Variants in VPS53 observed in about 807,000 individuals in gnomAD.
VPS53 encodes the protein VPS53 subunit of GARP complex.
A neutral mutation model predicts 107.0 loss-of-function variants in VPS53; 70 were observed. The ratio of observed to expected loss-of-function variants is 0.65; its 90% CI spans 0.54 to 0.80. The LOEUF (loss-of-function observed/expected upper bound fraction) is 0.80. Ranked by LOEUF, VPS53 falls within the 30% of genes least tolerant of loss-of-function variation. The pLI, the probability that VPS53 is intolerant of heterozygous loss-of-function variation, is 0.00. For missense variants in VPS53, 917 were observed against 1,049.4 expected (o/e 0.87, Z 1.74); for synonymous variants, 409 against 393.3 (o/e 1.04, Z -0.47).
At position 513,735 on chromosome 17, in the gene VPS53, G is replaced by A. The variant is rs543006219; in HGVS notation, c.*5393C>T. ...AGGGAAGGAATCTCATTTCCAGCAG[G>A]TTATTCCGAGTGCTCTTCCTAGGGA... On this transcript the variant is annotated 3_prime_UTR_variant, in exon 22 of 22. Transcript: ENST00000437048. 3.6e-5 allele frequency: 5 copies of A among 138,084 alleles called. No individual in the cohort carries two copies. The highest frequency in any genetic ancestry group is 1.3e-4 in the African/African-American group (5 of 37,682). 8.6% of individuals were successfully genotyped at this position (138,084 alleles called of 1,614,324 possible).
chr17:590,363 C>T (rs1967574637), intron 12 of VPS53, among the ~76,000 whole-genome samples: 2 of 152,082 alleles, frequency 1.3e-5, no homozygotes, highest in South Asian at 4.1e-4. Flanking sequence ...ACTGAATACC[C>T]TTTATTTCCT....
chr17:619,541 T>C (rs1243638394), intron 11 of VPS53, among the ~76,000 whole-genome samples: 6 of 142,558 alleles, frequency 4.2e-5, no homozygotes, highest in African/African-American at 8.0e-5. Flanking sequence ...CCGCTAATAT[T>C]TCCCGGGTAG....
At chr17:671,334 GGAAAGAAAGAGGAAA>G (rs1971937510) in intron 4 of VPS53, among the ~76,000 whole-genome samples, 1 of 150,174 alleles carries the variant, frequency 6.7e-6, no homozygotes, top group African/African-American at 2.4e-5. Flanking sequence ...AAGAGAGACA[GGAAAGAAAGAGGAAA>G]GAAAGAAAGA....
rs1971045201 is a variant in VPS53 at position 653,487 on chromosome 17, A to G, written c.489-77T>C. 4 of 1,598,070 alleles carry G rather than the reference A, an allele frequency of 2.5e-6. No individual in the cohort carries two copies. In the Admixed American group the frequency reaches 6.8e-5, roughly 27 times the overall value. On this transcript the variant is annotated intron_variant, in intron 6 of 21. Transcript: ENST00000437048. ...ATACAGACACAGAACAACCCACGCTAGCTCTCAAACAGATATCAACTCAGC... is the reference window on the plus strand; with the variant it reads ...ATACAGACACAGAACAACCCACGCTGGCTCTCAAACAGATATCAACTCAGC...
intron 12 of VPS53, among the ~76,000 whole-genome samples, chr17:590,495 TATG>T (rs1967584772): frequency 6.6e-6 from 1 of 151,984 alleles, no homozygotes; most frequent in Non-Finnish European, 1.5e-5. Context: ...GCCCATTCAG[TATG>T]ATATTGGCTG....
At chr17:703,530 C>CA (rs1239850319) in intron 2 of VPS53, among the ~76,000 whole-genome samples, 12 of 152,206 alleles carry the variant, frequency 7.9e-5, no homozygotes, top group Non-Finnish European at 1.8e-4. Flanking sequence ...TGGGAATCCA[C>CA]ATTGGCTGGG....
chr17:562,101 C>T (rs1278089823), intron 14 of VPS53, among the ~76,000 whole-genome samples: 1 of 152,188 alleles, frequency 6.6e-6, no homozygotes, highest in Non-Finnish European at 1.5e-5. Context: ...TTCATTCCTC[C>T]AACCCATCAC....
intron 12 of VPS53, among the ~76,000 whole-genome samples, chr17:594,028 A>G (rs1967819550): frequency 6.6e-6 from 1 of 152,220 alleles, no homozygotes; most frequent in Non-Finnish European, 1.5e-5. Flanking sequence ...ATGAAATTGG[A>G]AATCATCATT....
chr17:533,047 T>C lies in VPS53; in HGVS notation c.2016-136A>G. On this transcript the variant is annotated intron_variant, in intron 18 of 21. Coordinates refer to ENST00000437048, the MANE Select transcript of VPS53 (RefSeq NM_001128159.3). ...TCGAAGTGGACTCCACTGTTGCCCA[T>C]TATCTTATTTTTCTTCTGAGTGAAG... The C allele has an allele frequency of 2.9e-6, 4 of 1,402,628 alleles. No homozygotes were observed. In the Admixed American group the frequency reaches 1.1e-4, roughly 37 times the overall value. The allele number at this position is 1,402,628 out of a possible 1,614,324, so 86.9% of individuals were successfully genotyped here. A position where few individuals can be genotyped will look rare whatever the true frequency, so the allele number is the denominator to read the frequency against.
At position 537,128 on chromosome 17, in the gene VPS53, T is replaced by C. The variant is rs751330560; in HGVS notation, c.1915A>G (p.Thr639Ala). The C allele has an allele frequency of 6.2e-7, 1 of 1,613,848 alleles. No homozygotes were observed. The highest frequency in any genetic ancestry group is 1.3e-5 in the African/African-American group (1 of 74,922). ...TGCTTGATGTGCAGAATGACAGAGG[T>C]GACGTAGGGGCTCTGGTCACCAACG... The part of the protein sequence containing the change: ...EHVGDQSPYV[T>A]SVILHIKQNV... The change falls in exon 18 of 22, where the codon ACC becomes GCC. Residue 639 changes from threonine (T) to alanine (A), a missense_variant. Coordinates refer to ENST00000437048, the MANE Select transcript of VPS53 (RefSeq NM_001128159.3).
At chr17:681,980 A>C (rs1972409845) in intron 4 of VPS53, among the ~76,000 whole-genome samples, 1 of 151,926 alleles carries the variant, frequency 6.6e-6, no homozygotes, top group East Asian at 1.9e-4. Flanking sequence ...ATCGTGGGAG[A>C]TACCAACATT....
Position 688,550 on chromosome 17 carries a change from C to T in VPS53, c.285+8868G>A, listed in dbSNP as rs1416711651. Among the ~76,000 whole-genome samples, 3 of 152,206 alleles carry T rather than the reference C, an allele frequency of 2.0e-5. No individual in the cohort carries two copies. The East Asian group carries it at 5.8e-4, about 29-fold the overall frequency. Reference sequence around the variant, plus strand: ...AGTGAGGCCAAACCCAGTTGCACTACATTGTTAAACAGTTAACGGACATTT... The same window carrying T: ...AGTGAGGCCAAACCCAGTTGCACTATATTGTTAAACAGTTAACGGACATTT... On this transcript the variant is annotated intron_variant, in intron 4 of 21. Transcript: ENST00000437048.
intron 7 of VPS53, among the ~76,000 whole-genome samples, chr17:645,872 GA>G (rs1273019697): frequency 8.5e-5 from 11 of 128,908 alleles, no homozygotes; most frequent in African/African-American, 2.4e-4. Context: ...ACATCTCCGT[GA>G]CCGCGTGGTC....
chr17:593,980 TA>T (rs931866996), intron 12 of VPS53, among the ~76,000 whole-genome samples: 1 of 152,152 alleles, frequency 6.6e-6, no homozygotes, highest in Non-Finnish European at 1.5e-5. Flanking sequence ...TACACAGCCA[TA>T]AAAAATGATG....
intron 7 of VPS53, among the ~76,000 whole-genome samples, chr17:638,918 T>C (rs1419170020): frequency 1.3e-5 from 2 of 152,224 alleles, no homozygotes; most frequent in Admixed American, 1.3e-4. Flanking sequence ...TCTCGAGGAA[T>C]ATCTTTGTGG....
At chr17:606,413 C>T (rs571952204) in intron 11 of VPS53, among the ~76,000 whole-genome samples, 16 of 152,258 alleles carry the variant, frequency 1.1e-4, no homozygotes, top group African/African-American at 3.9e-4. Context: ...ATACCTACCT[C>T]GTATGGCTGC....
chr17:543,874 A>AGGG (rs1910924142), intron 17 of VPS53, among the ~76,000 whole-genome samples: 1 of 48,612 alleles, frequency 2.1e-5, no homozygotes, highest in Non-Finnish European at 3.8e-5. Flanking sequence ...GGAGGGAAGG[A>AGGG]GGGGAGTTTG....
intron 13 of VPS53, among the ~76,000 whole-genome samples, chr17:567,670 G>A (rs1210880710): frequency 6.6e-6 from 1 of 151,818 alleles, no homozygotes; most frequent in Non-Finnish European, 1.5e-5. Context: ...ATGGCTAGGA[G>A]GAGGCCAGGA....
At chr17:604,451 A>C (rs1221781671) in intron 11 of VPS53, among the ~76,000 whole-genome samples, 1 of 152,294 alleles carries the variant, frequency 6.6e-6, no homozygotes, top group East Asian at 1.9e-4. Context: ...GGGAGGAAGA[A>C]GTCGAACCTA....
Sources: gnomAD v4.1 joint callset for allele counts (sites outside exome capture counted in the v4.1 genomes callset) on GRCh38, gnomAD v4.1.1 for gene constraint, MANE v1.5 for transcripts, NCBI Gene and HGNC (gene_info 2026-07-23, HGNC 2026-07-21) for gene names.